Variants in WWOX observed in about 807,000 individuals in gnomAD.
WWOX encodes the protein WW domain containing oxidoreductase, also known as WW domain-containing oxidoreductase.
WWOX carries 69 observed loss-of-function variants against 46.2 expected under a neutral mutation model. That is an observed-to-expected ratio of 1.49 (90% confidence interval 1.23 to 1.82). The LOEUF (loss-of-function observed/expected upper bound fraction) is 1.82. Ranked by LOEUF, WWOX falls within the 40% of genes most tolerant of loss-of-function variation. WWOX has a pLI of 0.00. For synonymous variants in WWOX, 359 were observed against 202.6 expected (o/e 1.77, Z -6.56); for missense variants, 919 against 542.6 (o/e 1.69, Z -6.89).
chr16:78,937,262 A>C (rs1366864989), intron 8 of WWOX, among the ~76,000 whole-genome samples: 1 of 152,114 alleles, frequency 6.6e-6, no homozygotes, highest in East Asian at 1.9e-4. Context: ...AAGTGACCCA[A>C]ATAATACAAG....
intron 6 of WWOX, among the ~76,000 whole-genome samples, chr16:78,392,287 C>G (rs1249011077): frequency 2.0e-5 from 3 of 152,084 alleles, no homozygotes; most frequent in Non-Finnish European, 2.9e-5. Context: ...GCCACACATG[C>G]AAGGGATCTA....
At chr16:78,222,657 G>T (rs895144865) in intron 5 of WWOX, among the ~76,000 whole-genome samples, 1 of 152,134 alleles carries the variant, frequency 6.6e-6, no homozygotes, top group Non-Finnish European at 1.5e-5. Flanking sequence ...TAGCCCTGGC[G>T]AGGCTGGCCC....
At chr16:78,447,164 C>G (rs936947402) in intron 8 of WWOX, among the ~76,000 whole-genome samples, 1 of 152,128 alleles carries the variant, frequency 6.6e-6, no homozygotes, top group Non-Finnish European at 1.5e-5. Flanking sequence ...AAATCTGGCT[C>G]AGTTCAAGTT....
intron 6 of WWOX, among the ~76,000 whole-genome samples, chr16:78,415,826 C>G (rs1461841859): frequency 6.6e-6 from 1 of 152,154 alleles, no homozygotes; most frequent in Non-Finnish European, 1.5e-5. Flanking sequence ...CCCGCCCCCA[C>G]CACTACCACC....
chr16:78,870,134 C>T (rs1221464162), intron 8 of WWOX, among the ~76,000 whole-genome samples: 1 of 152,160 alleles, frequency 6.6e-6, no homozygotes, highest in African/African-American at 2.4e-5. Flanking sequence ...ATGACTCAAT[C>T]CTCAAACAGG....
intron 4 of WWOX, among the ~76,000 whole-genome samples, chr16:78,137,651 G>C (rs1428088405): frequency 6.6e-6 from 1 of 152,142 alleles, no homozygotes. Flanking sequence ...AGGGAAAAAG[G>C]GTTTGCTTGG....
At chr16:79,161,782 G>A (rs994912365) in intron 8 of WWOX, among the ~76,000 whole-genome samples, 3 of 152,244 alleles carry the variant, frequency 2.0e-5, no homozygotes, top group Admixed American at 6.5e-5. Context: ...GCCTGCCAAA[G>A]TGCTGGGATT....
intron 8 of WWOX, among the ~76,000 whole-genome samples, chr16:78,883,498 C>A (rs551789474): frequency 2.8e-4 from 43 of 152,234 alleles, no homozygotes; most frequent in African/African-American, 1.0e-3. Flanking sequence ...CTGAGGCAAG[C>A]TGATCACTTG....
At chr16:79,150,244 C>T (rs1393199131) in intron 8 of WWOX, among the ~76,000 whole-genome samples, 1 of 152,160 alleles carries the variant, frequency 6.6e-6, no homozygotes, top group Non-Finnish European at 1.5e-5. Flanking sequence ...CAAAGAGCAG[C>T]ACTGAACTTT....
At chr16:78,436,125 A>C (rs1051836964) in intron 8 of WWOX, among the ~76,000 whole-genome samples, 9 of 152,188 alleles carry the variant, frequency 5.9e-5, no homozygotes, top group Non-Finnish European at 8.8e-5. Context: ...GGTATGCAGT[A>C]CTTCCTGCCA....
intron 8 of WWOX, among the ~76,000 whole-genome samples, chr16:78,639,991 CA>C (rs1203669330): frequency 2.0e-5 from 3 of 152,182 alleles, no homozygotes; most frequent in Admixed American, 6.5e-5. Context: ...GAATCCCACA[CA>C]GTGCTGGGGC....
At chr16:79,209,234 G>C (rs917605841) in intron 8 of WWOX, among the ~76,000 whole-genome samples, 2 of 152,188 alleles carry the variant, frequency 1.3e-5, no homozygotes, top group African/African-American at 4.8e-5. Flanking sequence ...TAGATTCCGT[G>C]GAAGGAAAAG....
intron 8 of WWOX, among the ~76,000 whole-genome samples, chr16:78,614,353 G>T (rs950099020): frequency 6.6e-6 from 1 of 152,308 alleles, no homozygotes; most frequent in African/African-American, 2.4e-5. Context: ...TCTGTTTTTG[G>T]TAAAATCATG....
chr16:78,923,988 G>T (rs183498625), intron 8 of WWOX, among the ~76,000 whole-genome samples: 1 of 151,008 alleles, frequency 6.6e-6, no homozygotes, highest in East Asian at 1.9e-4. Flanking sequence ...ATTTTGTTTT[G>T]TTTTTTTTAG....
chr16:79,109,889 T>C (rs954548037), intron 8 of WWOX, among the ~76,000 whole-genome samples: 11 of 152,220 alleles, frequency 7.2e-5, no homozygotes, highest in African/African-American at 2.4e-4. Flanking sequence ...GCATTCTGCA[T>C]GTTGGGGTTG....
At chr16:79,024,637 A>G (rs1006307767) in intron 8 of WWOX, among the ~76,000 whole-genome samples, 9 of 151,814 alleles carry the variant, frequency 5.9e-5, no homozygotes, top group Non-Finnish European at 7.4e-5. Context: ...GGGTTTCACC[A>G]TGTTAGCCAG....
intron 6 of WWOX, among the ~76,000 whole-genome samples, chr16:78,414,468 T>G (rs1406053802): frequency 6.6e-6 from 1 of 152,016 alleles, no homozygotes; most frequent in Non-Finnish European, 1.5e-5. Flanking sequence ...ACTCAGGAGG[T>G]TGAGGCACGA....
rs563099438 is a variant in WWOX, at chr16:78,341,222, A to G, written c.517-45638A>G. ...TCATTTTGTTTCCCAGGCTGGTCTC[A>G]CTGTAATTCCTGGGCTCAAGTTACC... On this transcript the variant is annotated intron_variant, in intron 5 of 8. Coordinates refer to ENST00000566780, the MANE Select transcript of WWOX (RefSeq NM_016373.4). 1.9e-5 allele frequency among the ~76,000 whole-genome samples: 2 copies of G among 102,758 alleles called. 1 individual carries two copies. The highest frequency in any genetic ancestry group is 4.5e-5 in the Non-Finnish European group (2 of 44,544). 67.4% of individuals were successfully genotyped at this position (102,758 alleles called of 152,430 possible). A position where few individuals can be genotyped will look rare whatever the true frequency, so the allele number is the denominator to read the frequency against.
intron 5 of WWOX, among the ~76,000 whole-genome samples, chr16:78,320,676 T>C (rs988940092): frequency 6.6e-6 from 1 of 152,202 alleles, no homozygotes; most frequent in African/African-American, 2.4e-5. Flanking sequence ...GAATGAAATA[T>C]CCAGATGTTT....
Sources: gnomAD v4.1 joint callset for allele counts (sites outside exome capture counted in the v4.1 genomes callset) on GRCh38, gnomAD v4.1.1 for gene constraint, MANE v1.5 for transcripts, NCBI Gene and HGNC (gene_info 2026-07-23, HGNC 2026-07-21) for gene names.